NTN1: variants seen among roughly 807,000 people sequenced by gnomAD.
NTN1 encodes netrin 1.
NTN1 carries 11 observed loss-of-function variants against 54.2 expected under a neutral mutation model. That is an observed-to-expected ratio of 0.20 (90% CI 0.13 to 0.34). The LOEUF (loss-of-function observed/expected upper bound fraction) is 0.34, where lower values mean the gene tolerates loss of function less well. Among genes scored for constraint, NTN1 ranks in the 10% least tolerant of loss-of-function variants. The pLI is 1.00. For synonymous variants in NTN1, 371 were observed against 382.0 expected, an observed-to-expected ratio of 0.97 and a Z score of 0.33; for missense variants, 740 against 893.1, an observed-to-expected ratio of 0.83 and a Z score of 2.18.
At chr17:9,093,162 C>T (rs1029601906) in intron 2 of NTN1, among the ~76,000 whole-genome samples, 2 of 151,814 alleles carry the variant, frequency 1.3e-5, no homozygotes, top group Non-Finnish European at 2.9e-5. Flanking sequence ...CAAAGTGTTG[C>T]GATTACAGGC....
At chr17:9,174,818 C>G (rs2092395829) in intron 3 of NTN1, 1 of 150,208 alleles carries the variant, frequency 6.7e-6, no homozygotes, top group South Asian at 2.1e-4. Flanking sequence ...AGCACAAGGT[C>G]AGGCCAGAAG....
chr17:9,011,797 C>T, the NTN1 span, among the ~76,000 whole-genome samples: 2 of 152,084 alleles, frequency 1.3e-5, no homozygotes, highest in Admixed American at 6.6e-5. Flanking sequence ...ACCATGTTGG[C>T]CAGGATGGTC....
intron 2 of NTN1, among the ~76,000 whole-genome samples, chr17:9,046,547 G>C (rs1450740955): frequency 6.6e-6 from 1 of 152,194 alleles, no homozygotes; most frequent in Non-Finnish European, 1.5e-5. Context: ...GGTACTTCGG[G>C]AGGCCAAGGT....
chr17:9,157,586 A>G (rs1178803674), intron 2 of NTN1, among the ~76,000 whole-genome samples: 1 of 152,190 alleles, frequency 6.6e-6, no homozygotes, highest in African/African-American at 2.4e-5. Flanking sequence ...TCGCCCTCCT[A>G]TCTTCCTTAC....
intron 6 of NTN1, among the ~76,000 whole-genome samples, chr17:9,227,657 T>TCAATCACACCATCACAC (rs137860749): frequency 6.8e-6 from 1 of 147,492 alleles, no homozygotes; most frequent in Non-Finnish European, 1.5e-5. Flanking sequence ...CACCATCACA[T>TCAATCACACCATCACAC]ACCACACACA....
chr17:9,102,146 G>C (rs2092152333), intron 2 of NTN1, among the ~76,000 whole-genome samples: 1 of 152,222 alleles, frequency 6.6e-6, no homozygotes, highest in African/African-American at 2.4e-5. Context: ...ATACTCTGCT[G>C]GCAGGAGTAT....
intron 2 of NTN1, among the ~76,000 whole-genome samples, chr17:9,063,778 G>C (rs1480737677): frequency 6.6e-6 from 1 of 151,360 alleles, no homozygotes; most frequent in Non-Finnish European, 1.5e-5. Context: ...TCGATCTCCT[G>C]ACCTCGTGAT....
chr17:9,231,175 TCAGCACCCCCG>T, intron 6 of NTN1, among the ~76,000 whole-genome samples: 1 of 152,134 alleles, frequency 6.6e-6, no homozygotes, highest in South Asian at 2.1e-4. Flanking sequence ...ACTGAGGACC[TCAGCACCCCCG>T]CCATTGTTCC....
chr17:9,238,613 G>T (rs1470168431), intron 6 of NTN1, among the ~76,000 whole-genome samples: 1 of 152,204 alleles, frequency 6.6e-6, no homozygotes, highest in Non-Finnish European at 1.5e-5. Context: ...AGTTGTTTGA[G>T]AAACCAACAC....
chr17:9,159,632 T>C (rs934278018), intron 2 of NTN1, among the ~76,000 whole-genome samples: 10 of 152,024 alleles, frequency 6.6e-5, no homozygotes, highest in African/African-American at 1.9e-4. Flanking sequence ...AAACCCTGTC[T>C]CTACTAAAAA....
intron 2 of NTN1, among the ~76,000 whole-genome samples, chr17:9,068,902 G>A (rs993069593): frequency 5.3e-5 from 8 of 152,152 alleles, no homozygotes; most frequent in Non-Finnish European, 1.2e-4. Flanking sequence ...TAAGATGCAG[G>A]AAAGAGAGTG....
intron 2 of NTN1, among the ~76,000 whole-genome samples, chr17:9,025,741 AT>A (rs910346622): frequency 2.6e-5 from 4 of 152,244 alleles, no homozygotes; most frequent in African/African-American, 9.6e-5. Flanking sequence ...AGCAAGGACA[AT>A]TTAGGGGTGA....
At chr17:9,230,550 A>G (rs567117925) in intron 6 of NTN1, among the ~76,000 whole-genome samples, 1 of 151,924 alleles carries the variant, frequency 6.6e-6, no homozygotes, top group South Asian at 2.1e-4. Flanking sequence ...CAGGTTGGCC[A>G]GGGAAGGCCA....
At chr17:9,149,826 G>C (rs2092322396) in intron 2 of NTN1, among the ~76,000 whole-genome samples, 1 of 152,166 alleles carries the variant, frequency 6.6e-6, no homozygotes, top group South Asian at 2.1e-4. Context: ...CCAGCACTTT[G>C]GGAGGCTGAG....
At chr17:9,077,385 G>A (rs1230412194) in intron 2 of NTN1, among the ~76,000 whole-genome samples, 1 of 152,174 alleles carries the variant, frequency 6.6e-6, no homozygotes, top group Non-Finnish European at 1.5e-5. Flanking sequence ...ACAGGATATT[G>A]GAGGTGGGGC....
rs762421437 is a variant in NTN1 at position 9,182,928 on chromosome 17, C to T, written c.1370C>T (p.Ala457Val). The T allele has an allele frequency of 3.1e-6, 5 of 1,613,920 alleles. No individual in the cohort carries two copies. The highest frequency in any genetic ancestry group is 1.7e-5 in the Admixed American group (1 of 59,992). ...PIAPCIKIPV[A>V]PPTTAASSVE... is the part of the protein sequence containing the mutation. ...GAACCTCACAAAGAGATCCCTGTAG[C>T]GCCGCCGACGACTGCAGCCAGCAGC... Residue 457 changes from alanine to valine, a missense_variant, in exon 5 of 7, where the codon GCG becomes GTG. Transcript: ENST00000173229.
At chr17:9,184,161 G>A (rs192602342) in intron 5 of NTN1, among the ~76,000 whole-genome samples, 112 of 152,268 alleles carry the variant, frequency 7.4e-4, no homozygotes, top group African/African-American at 2.5e-3. Context: ...AGACAGATTC[G>A]GCACTTGCAC....
intron 2 of NTN1, among the ~76,000 whole-genome samples, chr17:9,085,425 G>A (rs952589791): frequency 3.9e-5 from 6 of 152,158 alleles, no homozygotes; most frequent in Admixed American, 1.3e-4. Flanking sequence ...ATATTCCATC[G>A]CCTCAGACTT....
At chr17:9,027,612 G>A (rs2091875394) in intron 2 of NTN1, among the ~76,000 whole-genome samples, 1 of 152,160 alleles carries the variant, frequency 6.6e-6, no homozygotes, top group Admixed American at 6.5e-5. Flanking sequence ...TGCTAGAACT[G>A]GGCGTGGTTC....
Sources: gnomAD v4.1 joint callset for allele counts (sites outside exome capture counted in the v4.1 genomes callset) on GRCh38, gnomAD v4.1.1 for gene constraint, MANE v1.5 for transcripts, NCBI Gene and HGNC (gene_info 2026-07-23, HGNC 2026-07-21) for gene names.